The following NDUFAF6 variants were observed in gnomAD, a reference collection of about 807,000 sequenced individuals.
NDUFAF6 encodes the protein NADH dehydrogenase (ubiquinone) complex I, assembly factor 6.
In NDUFAF6, 45 loss-of-function variants were observed where a neutral mutation model predicts 40.8. That is an observed-to-expected ratio of 1.10 (90% confidence interval 0.87 to 1.42). NDUFAF6 has a LOEUF of 1.42. NDUFAF6 is among the 40% of genes most tolerant of loss of function. The pLI is 0.00. For missense variants in NDUFAF6, 435 were observed against 418.5 expected, an observed-to-expected ratio of 1.04 and a Z score of -0.34; for synonymous variants, 185 against 155.9, an observed-to-expected ratio of 1.19 and a Z score of -1.39.
At chr8:95,026,868 C>T (rs1283411386) in intron 1 of NDUFAF6, among the ~76,000 whole-genome samples, 7 of 151,154 alleles carry the variant, frequency 4.6e-5, no homozygotes, top group South Asian at 2.1e-4. Flanking sequence ...GGCAACATAG[C>T]GGGATGCTGT....
intron 1 of NDUFAF6, among the ~76,000 whole-genome samples, chr8:94,907,971 T>C (rs2131205713): frequency 6.6e-6 from 1 of 152,328 alleles, no homozygotes; most frequent in African/African-American, 2.4e-5. Flanking sequence ...CCCTATGTAT[T>C]GGGTCATAGC....
chr8:94,932,046 C>G lies in NDUFAF6; in HGVS notation c.-935-13437C>G, dbSNP rs1327309391. The G allele has an allele frequency of 2.5e-6, 4 of 1,603,434 alleles. No homozygotes were observed. The African/African-American group carries it at 5.3e-5, about 21-fold the overall frequency. On this transcript the variant is annotated intron_variant, in intron 1 of 14. Coordinates refer to the NDUFAF6 transcript ENST00000396113. ...CCTCCCTATGCATACATATATCACA[C>G]AGTCTCAAAGTGAATATACTTACTC...
upstream of NDUFAF6, among the ~76,000 whole-genome samples, chr8:95,098,189 A>G (rs1809528959): frequency 6.6e-6 from 1 of 152,212 alleles, no homozygotes; most frequent in Non-Finnish European, 1.5e-5. Flanking sequence ...ACTGGGGGAA[A>G]GATGTTTAAA....
intron 1 of NDUFAF6, chr8:94,945,425 T>C (rs1214792336): frequency 6.6e-6 from 1 of 152,248 alleles, no homozygotes; most frequent in Non-Finnish European, 1.5e-5. Flanking sequence ...TTTTTAAATA[T>C]GGCTACTAGA....
intron 2 of NDUFAF6, among the ~76,000 whole-genome samples, chr8:95,000,416 T>C (rs936312639): frequency 6.6e-6 from 1 of 152,108 alleles, no homozygotes; most frequent in African/African-American, 2.4e-5. Flanking sequence ...CTATGATACA[T>C]GCTAGAGATA....
At chr8:95,050,873 G>A (rs1217370311) in intron 7 of NDUFAF6, among the ~76,000 whole-genome samples, 1 of 152,114 alleles carries the variant, frequency 6.6e-6, no homozygotes, top group Non-Finnish European at 1.5e-5. Context: ...ATAACTAATT[G>A]GATTGTGGCA....
chr8:95,038,376 TG>T (rs1200355101), intron 3 of NDUFAF6, among the ~76,000 whole-genome samples: 1 of 151,932 alleles, frequency 6.6e-6, no homozygotes, highest in African/African-American at 2.4e-5. Context: ...ATTTTCTTTT[TG>T]TTTTTTTTTT....
intron 3 of NDUFAF6, among the ~76,000 whole-genome samples, chr8:95,039,057 A>G (rs1829847096): frequency 6.6e-6 from 1 of 151,518 alleles, no homozygotes; most frequent in Non-Finnish European, 1.5e-5. Flanking sequence ...GCTCACTGCA[A>G]CTTTCACCTG....
At chr8:95,022,635 C>T (rs369649230), upstream of NDUFAF6, among the ~76,000 whole-genome samples, 16 of 146,674 alleles carry the variant, frequency 1.1e-4, no homozygotes, top group African/African-American at 3.5e-4. Flanking sequence ...ACAAGTAGTA[C>T]GAGAGAAACC....
chr8:95,108,574 T>C (rs1229782113), intron 4 of NDUFAF6, among the ~76,000 whole-genome samples: 5 of 152,156 alleles, frequency 3.3e-5, no homozygotes, highest in Non-Finnish European at 7.3e-5. Flanking sequence ...TTGGGAGTTA[T>C]TGTTTAATGG....
At chr8:95,074,414 A>ATTCACTACCTCCTAACTTCCCCATTTCT (rs372947279) in intron 9 of NDUFAF6, among the ~76,000 whole-genome samples, 2 of 147,718 alleles carry the variant, frequency 1.4e-5, no homozygotes, top group African/African-American at 5.1e-5. Context: ...GGGGCCAGGG[A>ATTCACTACCTCCTAACTTCCCCATTTCT]AGTGTTTGAC....
chr8:95,038,867 G>A (rs975278192), intron 3 of NDUFAF6, among the ~76,000 whole-genome samples: 3 of 151,066 alleles, frequency 2.0e-5, no homozygotes, highest in Non-Finnish European at 2.9e-5. Flanking sequence ...TAGTAGAGAC[G>A]GGGTTGTTGG....
intron 8 of NDUFAF6, among the ~76,000 whole-genome samples, chr8:95,056,068 A>G (rs967544661): frequency 1.5e-4 from 23 of 152,066 alleles, no homozygotes; most frequent in African/African-American, 5.6e-4. Context: ...AAAACGGATC[A>G]TTTTCTATTG....
upstream of NDUFAF6, chr8:95,023,111 C>T (rs915367403): frequency 6.6e-6 from 1 of 152,160 alleles, no homozygotes; most frequent in African/African-American, 2.4e-5. Flanking sequence ...TTATGTTAAG[C>T]CTTTTTGCCA....
At chr8:94,975,627 GA>G (rs1824852828) in intron 1 of NDUFAF6, among the ~76,000 whole-genome samples, 1 of 152,204 alleles carries the variant, frequency 6.6e-6, no homozygotes, top group Admixed American at 6.5e-5. Flanking sequence ...GAAAGGGTGA[GA>G]GGACAGGTGG....
downstream of NDUFAF6, among the ~76,000 whole-genome samples, chr8:95,063,341 C>A (rs1015685980): frequency 1.3e-5 from 2 of 152,182 alleles, no homozygotes; most frequent in Non-Finnish European, 2.9e-5. Flanking sequence ...TGGCTCACGC[C>A]TGTAATCTCA....
At chr8:95,034,719 C>T (rs1829276060) in intron 2 of NDUFAF6, 1 of 152,388 alleles carries the variant, frequency 6.6e-6, no homozygotes, top group Non-Finnish European at 1.5e-5. Context: ...GTCTGACTCC[C>T]AGCAGTAATG....
intron 2 of NDUFAF6, among the ~76,000 whole-genome samples, chr8:95,032,896 C>T (rs1213764582): frequency 3.3e-5 from 5 of 152,060 alleles, no homozygotes; most frequent in African/African-American, 1.2e-4. Flanking sequence ...CTGTTTTTTC[C>T]TCTGGTATCT....
At chr8:95,027,603 C>T (rs936209358) in intron 1 of NDUFAF6, among the ~76,000 whole-genome samples, 5 of 149,032 alleles carry the variant, frequency 3.4e-5, no homozygotes, top group African/African-American at 9.9e-5. Flanking sequence ...AAAAAAGATT[C>T]GGTTTTTTCC....
Sources: gnomAD v4.1 joint callset for allele counts (sites outside exome capture counted in the v4.1 genomes callset) on GRCh38, gnomAD v4.1.1 for gene constraint, MANE v1.5 for transcripts, NCBI Gene and HGNC (gene_info 2026-07-23, HGNC 2026-07-21) for gene names.